The following ALPK2 variants were observed in gnomAD, a reference collection of about 807,000 sequenced individuals.
ALPK2 encodes the protein alpha-protein kinase 2.
A neutral mutation model predicts 163.1 loss-of-function variants in ALPK2; 127 were observed. That is an observed-to-expected ratio of 0.78 (90% confidence interval 0.67 to 0.90). ALPK2 has a LOEUF of 0.90. ALPK2 is among the 40% of genes least tolerant of loss of function. The pLI is 0.00. For missense variants in ALPK2, 2,360 were observed against 2,589.6 expected (o/e 0.91, Z 1.92); for synonymous variants, 953 against 959.1 (o/e 0.99, Z 0.12).
At chr18:58,493,730 G>A (rs928776346) in intron 12 of ALPK2, among the ~76,000 whole-genome samples, 4 of 152,090 alleles carry the variant, frequency 2.6e-5, no homozygotes, top group East Asian at 1.9e-4. Flanking sequence ...TGTCAGGGAC[G>A]CTTGACACAA....
chr18:58,613,237 G>A (rs981927431), intron 1 of ALPK2, among the ~76,000 whole-genome samples: 16 of 152,212 alleles, frequency 1.1e-4, no homozygotes, highest in Non-Finnish European at 1.8e-4. Context: ...AGTGAGTAGA[G>A]GGAAAAGGAA....
chr18:58,548,140 G>T (rs2051728737), intron 4 of ALPK2, among the ~76,000 whole-genome samples: 1 of 152,100 alleles, frequency 6.6e-6, no homozygotes, highest in Non-Finnish European at 1.5e-5. Flanking sequence ...AGCAGTGATG[G>T]TATTCGGCTA....
In ALPK2 at chr18:58,579,856, T is replaced by A. The variant is rs2051947174; in HGVS notation, c.920A>T (p.Asp307Val). Residue 307 changes from aspartate (D) to valine (V), a missense_variant, in exon 4 of 13, where the codon GAC becomes GTC. Asp to Val is a radical substitution (Grantham distance 152). Transcript: ENST00000361673. ...GGTTATCTCTGGGCAAAGTTCATAG[T>A]CACTGTCAGAGTCTTCACTGGAAAG... ...PQLSSEDSDS[D>V]YELCPEITLT... is the part of the protein sequence containing the mutation. The A allele has an allele frequency of 1.9e-6, 3 of 1,614,096 alleles. No individual in the cohort carries two copies. Among genetic ancestry groups the A allele is most frequent in the Admixed American group, 3.3e-5 (2 of 60,002 alleles).
intron 3 of ALPK2, among the ~76,000 whole-genome samples, chr18:58,593,441 G>A (rs971451696): frequency 6.6e-6 from 1 of 151,372 alleles, no homozygotes; most frequent in African/African-American, 2.4e-5. Context: ...GCATGCGCCT[G>A]TAATCCCAGC....
At chr18:58,485,515 G>A (rs184253589) in intron 12 of ALPK2, among the ~76,000 whole-genome samples, 1 of 152,336 alleles carries the variant, frequency 6.6e-6, no homozygotes, top group Admixed American at 6.5e-5. Context: ...GGAGCCCACA[G>A]TCCATGGCCT....
chr18:58,495,536 G>C (rs922275112), intron 12 of ALPK2, among the ~76,000 whole-genome samples: 3 of 152,128 alleles, frequency 2.0e-5, no homozygotes, highest in Non-Finnish European at 2.9e-5. Context: ...TAAATCAGGA[G>C]GGGAAAAAAT....
At chr18:58,587,062 G>A (rs1335301846) in intron 3 of ALPK2, among the ~76,000 whole-genome samples, 2 of 152,186 alleles carry the variant, frequency 1.3e-5, no homozygotes, top group African/African-American at 4.8e-5. Context: ...TGAAGGCTAA[G>A]GCAGAGTTGT....
intron 4 of ALPK2, among the ~76,000 whole-genome samples, chr18:58,549,411 C>G (rs113408086): frequency 1.6e-3 from 246 of 152,248 alleles, no homozygotes; most frequent in African/African-American, 5.8e-3. Flanking sequence ...CAAACTTTCC[C>G]CTTGTAGATG....
chr18:58,536,735 G>C lies in ALPK2; in HGVS notation c.3452C>G (p.Pro1151Arg), dbSNP rs536862591. 3.7e-6 allele frequency: 6 copies of C among 1,614,200 alleles called. No homozygotes were observed. The South Asian group carries it at 6.6e-5, about 18-fold the overall frequency. The part of the protein sequence containing the change: ...SLSQQGSLSA[P>R]DFQQSLPTTS... ...CGTAGGCAAACTTTGTTGGAAATCA[G>C]GTGCAGAAAGAGAACCCTGCTGGGA... The change falls in exon 5 of 13, where the codon CCT (proline) becomes CGT (arginine). Residue 1151 changes from proline (P) to arginine (R), a missense_variant. Transcript: ENST00000361673.
chr18:58,533,014 A>G (rs2051624126), intron 5 of ALPK2, among the ~76,000 whole-genome samples: 1 of 152,192 alleles, frequency 6.6e-6, no homozygotes, highest in Admixed American at 6.5e-5. Flanking sequence ...TGGCATGAGT[A>G]ACAACCCTTC....
chr18:58,530,367 G>C (rs2051606731), intron 5 of ALPK2, among the ~76,000 whole-genome samples: 1 of 152,224 alleles, frequency 6.6e-6, no homozygotes, highest in Admixed American at 6.5e-5. Context: ...TTGAGAGAGA[G>C]AGAAAATGTA....
At chr18:58,534,108 A>T (rs1381368690) in intron 5 of ALPK2, among the ~76,000 whole-genome samples, 1 of 152,140 alleles carries the variant, frequency 6.6e-6, no homozygotes, top group African/African-American at 2.4e-5. Context: ...TTGGGACTGA[A>T]ATGATTCCTC....
intron 10 of ALPK2, among the ~76,000 whole-genome samples, chr18:58,507,131 A>G (rs898970426): frequency 1.3e-5 from 2 of 152,230 alleles, no homozygotes; most frequent in African/African-American, 2.4e-5. Flanking sequence ...TTAGTACAAA[A>G]TGTTTGTCAA....
At chr18:58,558,232 A>T (rs947505438) in intron 4 of ALPK2, among the ~76,000 whole-genome samples, 3 of 152,234 alleles carry the variant, frequency 2.0e-5, no homozygotes, top group Non-Finnish European at 4.4e-5. Context: ...ATTTCCAAAG[A>T]ATAATTAGCA....
At chr18:58,545,612 G>A (rs2051713731) in intron 4 of ALPK2, among the ~76,000 whole-genome samples, 2 of 152,346 alleles carry the variant, frequency 1.3e-5, no homozygotes, top group Middle Eastern at 3.4e-3. Context: ...CCGGGGCCAG[G>A]AGGGCCAAGC....
intron 12 of ALPK2, among the ~76,000 whole-genome samples, chr18:58,496,076 G>T (rs2051399585): frequency 6.6e-6 from 1 of 152,182 alleles, no homozygotes; most frequent in Non-Finnish European, 1.5e-5. Flanking sequence ...CAGGATCAAT[G>T]CTAAAGCGTA....
rs2052131879 is a variant in ALPK2 at position 58,611,635 on chromosome 18, A to G, written c.109+54T>C. On this transcript the variant is annotated intron_variant, in intron 2 of 12. Coordinates refer to ENST00000361673, the MANE Select transcript of ALPK2 (RefSeq NM_052947.4). ...TAGTAATGCCTTTGTGAGCCAAGAA[A>G]CCTGGTATGCAGGGAGATTTTAGAG... 3 of 1,492,334 alleles carry G rather than the reference A, an allele frequency of 2.0e-6. No individual in the cohort carries two copies. The African/African-American group carries it at 4.2e-5, about 21-fold the overall frequency. The allele number at this position is 1,492,334 out of a possible 1,614,324, so 92.4% of individuals were successfully genotyped here. A position where few individuals can be genotyped will look rare whatever the true frequency, so the allele number is the denominator to read the frequency against.
At chr18:58,485,163 C>A (rs1012259266) in intron 12 of ALPK2, among the ~76,000 whole-genome samples, 1 of 152,198 alleles carries the variant, frequency 6.6e-6, no homozygotes, top group Non-Finnish European at 1.5e-5. Flanking sequence ...CAGCCCTGCC[C>A]GGTGGGAGAG....
chr18:58,534,877 C>G lies in ALPK2; in HGVS notation c.5310G>C (p.Glu1770Asp), dbSNP rs1387983816. 1.9e-6 allele frequency: 3 copies of G among 1,612,612 alleles called. No homozygotes were observed. In the African/African-American group the frequency reaches 4.0e-5, roughly 22 times the overall value. The part of the protein sequence containing the change: ...KLETSLSHTE[E>D]KQDPKKPSCK... The stretch of plus-strand genomic sequence containing the variant: ...AAGATGGCTTTTTTGGGTCTTGTTT[C>G]TCTTCTGTGTGTGATAATGATGTTT... Residue 1770 changes from glutamate (E) to aspartate (D), a missense_variant, in exon 5 of 13, where the codon GAG (glutamate) becomes GAC (aspartate). By Grantham distance (45) the Glu-to-Asp change is conservative (BLOSUM62 2). Coordinates refer to ENST00000361673, the MANE Select transcript of ALPK2 (RefSeq NM_052947.4).
Sources: gnomAD v4.1 joint callset for allele counts (sites outside exome capture counted in the v4.1 genomes callset) on GRCh38, gnomAD v4.1.1 for gene constraint, MANE v1.5 for transcripts, NCBI Gene and HGNC (gene_info 2026-07-23, HGNC 2026-07-21) for gene names.